The following CHSY1 variants were observed in gnomAD, a reference collection of about 807,000 sequenced individuals.
The protein encoded by CHSY1 is chondroitin sulfate synthase 1.
Under a neutral mutation model 59.8 loss-of-function variants are expected in CHSY1, and 13 were observed. The ratio of observed to expected loss-of-function variants is 0.22; its 90% CI spans 0.14 to 0.35. CHSY1 has a LOEUF of 0.35. CHSY1 is among the 10% of genes least tolerant of loss of function. The pLI is 1.00. For synonymous variants in CHSY1, 459 were observed against 401.2 expected (o/e 1.14, Z -1.72); for missense variants, 947 against 1,030.6 (o/e 0.92, Z 1.11).
chr15:101,197,459 C>T (rs1358746652), intron 2 of CHSY1, among the ~76,000 whole-genome samples: 3 of 152,094 alleles, frequency 2.0e-5, no homozygotes, highest in East Asian at 1.9e-4. Flanking sequence ...CTAAGGGAAA[C>T]GTTTCCATCT....
intron 1 of CHSY1, among the ~76,000 whole-genome samples, chr15:101,241,431 A>C (rs2039000420): frequency 6.6e-6 from 1 of 152,256 alleles, no homozygotes. Context: ...AGTTTTCTGC[A>C]ACAGGTATAT....
At chr15:101,214,971 A>G (rs2038717301) in intron 2 of CHSY1, among the ~76,000 whole-genome samples, 1 of 152,080 alleles carries the variant, frequency 6.6e-6, no homozygotes, top group Non-Finnish European at 1.5e-5. Flanking sequence ...TTCTCGCAAG[A>G]TCTCGTTTTT....
At position 101,178,554 on chromosome 15, in the gene CHSY1, T is replaced by G. The variant is rs1387011969; in HGVS notation, c.1243A>C (p.Met415Leu). The G allele has an allele frequency of 6.2e-7, 1 of 1,614,236 alleles. No homozygotes were observed. The part of the protein sequence containing the change: ...LDDIVMQVME[M>L]INANAKTRGR... ...CTGGTCTTGGCGTTGGCATTGATCATCTCCATGACCTGCATGACAATGTCG... is the reference window on the plus strand; with the variant it reads ...CTGGTCTTGGCGTTGGCATTGATCAGCTCCATGACCTGCATGACAATGTCG... Residue 415 changes from methionine to leucine, a missense_variant, in exon 3 of 3, where the codon ATG becomes CTG. By Grantham distance (15) the Met-to-Leu change is conservative. This residue lies in a region of CHSY1 where 602 missense variants were observed against 676.9 expected (regional missense o/e 0.89). Coordinates refer to ENST00000254190, the MANE Select transcript of CHSY1 (RefSeq NM_014918.5).
intron 2 of CHSY1, among the ~76,000 whole-genome samples, chr15:101,190,779 A>G (rs1285349188): frequency 6.6e-6 from 1 of 152,248 alleles, no homozygotes; most frequent in Non-Finnish European, 1.5e-5. Context: ...AAGTAGCCAA[A>G]GGCTTTAACA....
intron 1 of CHSY1, among the ~76,000 whole-genome samples, chr15:101,246,356 C>CT (rs56741361): frequency 0.059 from 4,786 of 81,002 alleles, 233 homozygotes; most frequent in African/African-American, 0.12. Context: ...ATACGTGTGG[C>CT]TTTTTTTTTT....
chr15:101,243,527 GCCCCACA>G lies in CHSY1; in HGVS notation c.320+7603_320+7609del, dbSNP rs2039022838. ...CTAAACACAGTCACCAGCCACCCTGGCCCCACAGCCTCCACACTGGCTTTCCATCCCA... is the reference window on the plus strand; with the variant it reads ...CTAAACACAGTCACCAGCCACCCTGGGCCTCCACACTGGCTTTCCATCCCA... On this transcript the variant is annotated intron_variant, in intron 1 of 2. Transcript: ENST00000254190. Among the ~76,000 whole-genome samples, 5 of 152,150 alleles carry G rather than the reference GCCCCACA, an allele frequency of 3.3e-5. 1 individual carries two copies. In the Middle Eastern group the frequency reaches 0.01, roughly 311 times the overall value.
At position 101,196,243 on chromosome 15, in the gene CHSY1, A is replaced by AT. The variant is rs1216812027; in HGVS notation, c.817-17264_817-17263insA. The stretch of plus-strand genomic sequence containing the variant: ...AGAAGCAGTCTCAAAAAAAAAAAAA[A>AT]AAACATATATGTAAAATAAGCATAC... On this transcript the variant is annotated intron_variant, in intron 2 of 2. Coordinates refer to ENST00000254190, the MANE Select transcript of CHSY1 (RefSeq NM_014918.5). Among the ~76,000 whole-genome samples, 10 of 152,148 alleles carry AT rather than the reference A, an allele frequency of 6.6e-5. No homozygotes were observed. The East Asian group carries it at 7.7e-4, about 12-fold the overall frequency.
intron 2 of CHSY1, among the ~76,000 whole-genome samples, chr15:101,208,858 TACAAGCACAC>T (rs1368018112): frequency 6.6e-6 from 1 of 152,202 alleles, no homozygotes; most frequent in Non-Finnish European, 1.5e-5. Context: ...TGTATACTCA[TACAAGCACAC>T]ACATAAGTAA....
chr15:101,239,854 G>T (rs2038985453), intron 1 of CHSY1, among the ~76,000 whole-genome samples: 1 of 152,168 alleles, frequency 6.6e-6, no homozygotes, highest in African/African-American at 2.4e-5. Context: ...GACTGAGGAT[G>T]AAGCTTCATT....
chr15:101,191,077 A>G (rs191515629), intron 2 of CHSY1, among the ~76,000 whole-genome samples: 3 of 152,348 alleles, frequency 2.0e-5, no homozygotes, highest in Admixed American at 1.3e-4. Flanking sequence ...TATTTACCCA[A>G]AAGAGCTGAA....
chr15:101,209,297 T>G (rs2038659510), intron 2 of CHSY1, among the ~76,000 whole-genome samples: 1 of 152,170 alleles, frequency 6.6e-6, no homozygotes, highest in Non-Finnish European at 1.5e-5. Flanking sequence ...AACATTCCAC[T>G]GGTCTGTAAG....
chr15:101,230,608 T>C (rs1360977935), intron 2 of CHSY1, among the ~76,000 whole-genome samples: 5 of 152,196 alleles, frequency 3.3e-5, no homozygotes, highest in Non-Finnish European at 5.9e-5. Flanking sequence ...TACCCCAGGC[T>C]TCTGGTATAT....
chr15:101,217,433 C>G (rs2038745543), intron 2 of CHSY1, among the ~76,000 whole-genome samples: 1 of 152,148 alleles, frequency 6.6e-6, no homozygotes, highest in Non-Finnish European at 1.5e-5. Flanking sequence ...AGTGACACCC[C>G]AATAGCAACA....
intron 2 of CHSY1, among the ~76,000 whole-genome samples, chr15:101,198,749 A>G (rs937302534): frequency 6.6e-6 from 1 of 152,236 alleles, no homozygotes; most frequent in African/African-American, 2.4e-5. Context: ...CCACTGGCCA[A>G]AATCCCCCAT....
chr15:101,251,479 G>GGCC lies in CHSY1; in HGVS notation c.-26_-24dup, dbSNP rs71154314. 1.5e-3 allele frequency: 1,052 copies of GGCC among 704,106 alleles called. 32 individuals carry two copies. In the East Asian group the frequency reaches 0.05, roughly 34 times the overall value. The allele number at this position is 704,106 out of a possible 1,614,324, so 43.6% of individuals were successfully genotyped here. On this transcript the variant is annotated 5_prime_UTR_variant, in exon 1 of 3. Transcript: ENST00000254190. ...CATGCCCGCGCCGCTCCGCCCGCCGGGCCGCCGCCGCAGGCTCCGCGCGCC... is the reference window on the plus strand; with the variant it reads ...CATGCCCGCGCCGCTCCGCCCGCCGGGCCGCCGCCGCCGCAGGCTCCGCGCGCC...
At chr15:101,248,327 T>C (rs928079235) in intron 1 of CHSY1, among the ~76,000 whole-genome samples, 11 of 152,332 alleles carry the variant, frequency 7.2e-5, no homozygotes, top group African/African-American at 1.9e-4. Flanking sequence ...TCCTTAACTT[T>C]TAGCCTTAAG....
chr15:101,190,819 G>C (rs1385995104), intron 2 of CHSY1, among the ~76,000 whole-genome samples: 1 of 152,184 alleles, frequency 6.6e-6, no homozygotes, highest in South Asian at 2.1e-4. Flanking sequence ...ACAGATGGTA[G>C]AAAAAAGCAT....
chr15:101,204,605 G>T (rs1428506201), intron 2 of CHSY1, among the ~76,000 whole-genome samples: 4 of 150,530 alleles, frequency 2.7e-5, no homozygotes, highest in African/African-American at 9.8e-5. Context: ...AAAAACAGTG[G>T]TTAAAAATGA....
intron 2 of CHSY1, among the ~76,000 whole-genome samples, chr15:101,201,642 A>G (rs1257289115): frequency 6.6e-6 from 1 of 152,320 alleles, no homozygotes; most frequent in South Asian, 2.1e-4. Flanking sequence ...GCTGTGAGTC[A>G]CTGGATGGCA....
Sources: gnomAD v4.1 joint callset for allele counts (sites outside exome capture counted in the v4.1 genomes callset) on GRCh38, gnomAD v4.1.1 for gene constraint, gnomAD v4.1.1 regional missense constraint, MANE v1.5 for transcripts, NCBI Gene and HGNC (gene_info 2026-07-23, HGNC 2026-07-21) for gene names.